Variants in RIF1 observed in about 807,000 individuals in gnomAD.
The protein encoded by RIF1 is replication timing regulatory factor 1.
Under a neutral mutation model 247.1 loss-of-function variants are expected in RIF1, and 45 were observed. That is an observed-to-expected ratio of 0.18 (90% CI 0.14 to 0.23). The LOEUF is 0.23. Ranked by LOEUF, RIF1 falls within the 10% of genes least tolerant of loss-of-function variation. The pLI is 1.00. For missense variants in RIF1, 2,967 were observed against 2,862.5 expected (o/e 1.04, Z -0.83); for synonymous variants, 1,087 against 978.8 (o/e 1.11, Z -2.06).
intron 9 of RIF1, among the ~76,000 whole-genome samples, chr2:151,488,578 C>T (rs189191274): frequency 2.0e-5 from 3 of 151,838 alleles, no homozygotes; most frequent in South Asian, 2.1e-4. Flanking sequence ...TCCATGAAGT[C>T]GAGACTGCAG....
the RIF1 span, among the ~76,000 whole-genome samples, chr2:151,522,516 T>A: frequency 6.6e-6 from 1 of 152,224 alleles, no homozygotes; most frequent in South Asian, 2.1e-4. Context: ...TCTACCTTCC[T>A]ATTCCAAGTG....
At chr2:151,531,308 CTTTTTTTTTTTTT>C in the RIF1 span, among the ~76,000 whole-genome samples, 6 of 84,008 alleles carry the variant, frequency 7.1e-5, no homozygotes, top group African/African-American at 2.7e-4. Context: ...TTTTTTCTTT[CTTTTTTTTTTTTT>C]TTTTTTTTTT....
At chr2:151,499,330 T>A in intron 10 of RIF1, 1 of 1,540,868 alleles carries the variant, frequency 6.5e-7, no homozygotes, top group Non-Finnish European at 8.8e-7. Flanking sequence ...TGTTTGACTC[T>A]CTCCATCTCT....
intron 21 of RIF1, among the ~76,000 whole-genome samples, chr2:151,453,918 C>G (rs1694774785): frequency 6.6e-6 from 1 of 152,190 alleles, no homozygotes; most frequent in Non-Finnish European, 1.5e-5. Context: ...TTTTTCTCTA[C>G]TGTCTCTAAT....
chr2:151,460,028 T>G lies in RIF1; in HGVS notation c.2984T>G (p.Ile995Arg), dbSNP rs1198218636. The change falls in exon 26 of 36, where the codon ATA (isoleucine) becomes AGA (arginine). Residue 995 changes from isoleucine to arginine, a missense_variant. By Grantham distance (97) the Ile-to-Arg change is moderately conservative (BLOSUM62 -3). Around this residue, in one of 7 missense-constraint regions of RIF1, gnomAD observed 2,028 missense variants for 1,825.6 expected, o/e 1.11. Coordinates refer to ENST00000444746, the MANE Select transcript of RIF1 (RefSeq NM_018151.5). ...GAAAATTCACAACTAAATGTGAAGATAAGTGGCATGGAGAGAAAATCAAAT... is the reference window on the plus strand; with the variant it reads ...GAAAATTCACAACTAAATGTGAAGAGAAGTGGCATGGAGAGAAAATCAAAT... ...GTENSQLNVKISGMERKSNGK... is the reference protein window; with the variant it reads ...GTENSQLNVKRSGMERKSNGK... 1 of 1,558,284 alleles carries G rather than the reference T, an allele frequency of 6.4e-7. No homozygotes were observed. The highest frequency in any genetic ancestry group is 2.3e-5 in the East Asian group (1 of 43,542).
intron 8 of RIF1, 116 bp downstream of exon 8, chr2:151,423,158 A>G (rs954013455): frequency 2.2e-5 from 14 of 629,366 alleles, no homozygotes; most frequent in Non-Finnish European, 3.9e-5. Flanking sequence ...GATGCTCATT[A>G]TTTCATGCCT....
chr2:151,410,672 G>T (rs551271580), intron 2 of RIF1, 145 bp downstream of exon 2: 21 of 679,982 alleles, frequency 3.1e-5, no homozygotes, highest in Non-Finnish European at 5.4e-5. Context: ...GCCTTGGGGG[G>T]CGGGGGAGAT....
chr2:151,418,696 G>A (rs1055653660), intron 6 of RIF1, among the ~76,000 whole-genome samples: 2 of 152,068 alleles, frequency 1.3e-5, no homozygotes, highest in Admixed American at 6.6e-5. Context: ...CCAACATGGT[G>A]AAACCCCATC....
chr2:151,481,307 C>T lies in RIF1; in HGVS notation c.*6236C>T, dbSNP rs988223656. The T allele has an allele frequency of 1.1e-4, 17 of 152,176 alleles. No homozygotes were observed. Among genetic ancestry groups the T allele is most frequent in the African/African-American group, 4.1e-4 (17 of 41,438 alleles). 9.4% of individuals were successfully genotyped at this position (152,176 alleles called of 1,614,324 possible). ...GAATGGCTTCTCCTGATTTTACTTA[C>T]GTGTTTTACTATTGCTCAAATTACA... On this transcript the variant is annotated 3_prime_UTR_variant, in exon 36 of 36. Transcript: ENST00000444746.
the RIF1 span, among the ~76,000 whole-genome samples, chr2:151,520,430 A>G: frequency 6.6e-6 from 1 of 152,158 alleles, no homozygotes; most frequent in South Asian, 2.1e-4. Context: ...TAGTATACAT[A>G]AAAATAAGTT....
chr2:151,502,968 T>TA, intron 11 of RIF1: 1 of 798,518 alleles, frequency 1.3e-6, no homozygotes, highest in South Asian at 1.6e-5. Context: ...GAAGGGGTTA[T>TA]ATGTGAGGAG....
At chr2:151,505,587 G>A (rs759543426) in intron 12 of RIF1, 1 of 1,591,806 alleles carries the variant, frequency 6.3e-7, no homozygotes. Context: ...ATTTAAAAAT[G>A]GGAAAAGAAA....
At chr2:151,458,226 ATTTTTTTTTT>A (rs71403171) in intron 24 of RIF1, among the ~76,000 whole-genome samples, 1 of 99,176 alleles carries the variant, frequency 1.0e-5, no homozygotes, top group Non-Finnish European at 2.0e-5. Context: ...GAAATAGATG[ATTTTTTTTTT>A]TTTTTTTTTT....
chr2:151,502,739 A>ATTAT, intron 11 of RIF1: 1 of 961,448 alleles, frequency 1.0e-6, no homozygotes, highest in South Asian at 1.4e-5. Flanking sequence ...GTAAGGTGTT[A>ATTAT]TTATTTTAAA....
chr2:151,466,387 G>C (rs1257218687), intron 30 of RIF1, among the ~76,000 whole-genome samples: 4 of 152,154 alleles, frequency 2.6e-5, no homozygotes, highest in African/African-American at 9.7e-5. Context: ...AAATTGATAA[G>C]GCTCCTAGCA....
chr2:151,464,469 G>T lies in RIF1; in HGVS notation c.4949G>T (p.Cys1650Phe), dbSNP rs1696624774. Residue 1650 changes from cysteine (C) to phenylalanine (F), a missense_variant, in exon 30 of 36, where the codon TGT (cysteine) becomes TTT (phenylalanine). By Grantham distance (205) the Cys-to-Phe change is radical. Around this residue, in one of 7 missense-constraint regions of RIF1, gnomAD observed 2,028 missense variants for 1,825.6 expected, o/e 1.11. Coordinates refer to ENST00000444746, the MANE Select transcript of RIF1 (RefSeq NM_018151.5). ...LQVPDDLPNV[C>F]EEKNETSKYA... ...GTTCCTGATGATTTACCAAATGTGT[G>T]TGAGGAAAAAAATGAAACTAGCAAA... is the stretch of plus-strand genomic sequence containing the variant. 1.2e-6 allele frequency: 2 copies of T among 1,613,048 alleles called. No individual in the cohort carries two copies. The highest frequency in any genetic ancestry group is 1.7e-6 in the Non-Finnish European group (2 of 1,179,764).
In RIF1 at chr2:151,465,315, G is replaced by A; in HGVS notation, c.5795G>A (p.Arg1932Lys). The A allele has an allele frequency of 6.2e-7, 1 of 1,613,778 alleles. No individual in the cohort carries two copies. Among genetic ancestry groups the A allele is most frequent in the Admixed American group, 1.7e-5 (1 of 59,948 alleles). ...GNEASFHGQE[R>K]TKTGISEEAA... is the part of the protein sequence containing the mutation. Reference sequence around the variant, plus strand: ...GAAGCTAGCTTTCATGGACAAGAGAGAACCAAAACTGGTATTTCTGAAGAA... The same window carrying A: ...GAAGCTAGCTTTCATGGACAAGAGAAAACCAAAACTGGTATTTCTGAAGAA... The change falls in exon 30 of 36, where the codon AGA becomes AAA. Residue 1932 changes from arginine (R) to lysine (K), a missense_variant. Transcript: ENST00000444746.
At chr2:151,482,210 T>TCG (rs2049199114), downstream of RIF1, 1 of 152,224 alleles carries the variant, frequency 6.6e-6, no homozygotes, top group South Asian at 2.1e-4. Flanking sequence ...TTTTGGTTTT[T>TCG]TGTTTTGTTG....
chr2:151,439,499 T>C (rs901556594), intron 14 of RIF1, among the ~76,000 whole-genome samples: 1 of 151,630 alleles, frequency 6.6e-6, no homozygotes, highest in African/African-American at 2.4e-5. Flanking sequence ...ACCCTGCCTC[T>C]ACTAAAAATA....
Sources: allele counts gnomAD v4.1 joint callset (sites outside exome capture counted in the v4.1 genomes callset), GRCh38; gene constraint gnomAD v4.1.1; regional missense constraint gnomAD v4.1.1; transcripts MANE v1.5; gene names NCBI Gene and HGNC (gene_info 2026-07-23, HGNC 2026-07-21).